Variants in DUSP13B observed in about 807,000 individuals in gnomAD.
The protein encoded by DUSP13B is dual specificity protein phosphatase 13B.
chr10:75,104,076 T>C, the DUSP13B span: 2 of 1,357,372 alleles, frequency 1.5e-6, no homozygotes, highest in Non-Finnish European at 2.0e-6. Context: ...CAGAGCCCCA[T>C]GGCAGGGAGT....
chr10:75,105,511 G>C, the DUSP13B span: 10 of 809,096 alleles, frequency 1.2e-5, no homozygotes, highest in Non-Finnish European at 1.7e-5. Context: ...GCAGTTTGGA[G>C]AGAGGGCCAG....
the DUSP13B span, among the ~76,000 whole-genome samples, chr10:75,107,663 G>A: frequency 1.3e-5 from 2 of 151,930 alleles, no homozygotes; most frequent in East Asian, 1.9e-4. Flanking sequence ...TGCAACCTCC[G>A]CCCCCCATGT....
chr10:75,101,923 G>A, the DUSP13B span: 2 of 1,367,772 alleles, frequency 1.5e-6, no homozygotes, highest in Non-Finnish European at 2.0e-6. Context: ...TCGTGCTGCT[G>A]GCTTTCAGCC....
chr10:75,094,555 C>T, the DUSP13B span: 1 of 1,132,794 alleles, frequency 8.8e-7, no homozygotes, highest in Non-Finnish European at 1.2e-6. Flanking sequence ...ATCCCTGCCT[C>T]TGCCTCAGCC....
the DUSP13B span, chr10:75,097,773 G>A: frequency 3.8e-5 from 62 of 1,613,660 alleles, no homozygotes; most frequent in Non-Finnish European, 4.2e-5. Context: ...GCAGCCTGAC[G>A]GACCCACAGC....
At chr10:75,101,495 T>C in the DUSP13B span, among the ~76,000 whole-genome samples, 676 of 152,316 alleles carry the variant, frequency 4.4e-3, 5 homozygotes, top group African/African-American at 0.015. Context: ...AATTGTTATA[T>C]TTAGCACTCA....
chr10:75,105,615 G>A, the DUSP13B span: 2 of 1,512,138 alleles, frequency 1.3e-6, no homozygotes, highest in African/African-American at 1.4e-5. Flanking sequence ...CCCTCACCTG[G>A]CCTCTTCCGG....
At chr10:75,106,651 G>A in the DUSP13B span, among the ~76,000 whole-genome samples, 1 of 152,174 alleles carries the variant, frequency 6.6e-6, no homozygotes, top group Non-Finnish European at 1.5e-5. Flanking sequence ...CCACTCTTAT[G>A]AGTAGCTCTC....
the DUSP13B span, chr10:75,108,107 G>A: frequency 2.5e-5 from 40 of 1,613,722 alleles, no homozygotes; most frequent in Middle Eastern, 1.7e-4. Context: ...CACTGCTGCC[G>A]TAGAAGTCAG....
chr10:75,101,868 T>C, the DUSP13B span: 18 of 1,364,950 alleles, frequency 1.3e-5, no homozygotes, highest in Non-Finnish European at 1.8e-5. Flanking sequence ...CTCACCCACC[T>C]GTGGGAGTAT....
the DUSP13B span, among the ~76,000 whole-genome samples, chr10:75,098,627 T>C: frequency 6.6e-6 from 1 of 152,120 alleles, no homozygotes; most frequent in African/African-American, 2.4e-5. Flanking sequence ...CCAGGTGTGG[T>C]GGTCCACTCC....
the DUSP13B span, chr10:75,098,929 T>G: frequency 8.3e-7 from 1 of 1,211,084 alleles, no homozygotes; most frequent in Non-Finnish European, 1.0e-6. Flanking sequence ...TTACCATCTT[T>G]GGGGCCTCCA....
chr10:75,108,994 C>A, the DUSP13B span: 1 of 1,589,284 alleles, frequency 6.3e-7, no homozygotes, highest in Non-Finnish European at 8.6e-7. Context: ...TGCCCCTTGG[C>A]CAGCTACCAC....
the DUSP13B span, among the ~76,000 whole-genome samples, chr10:75,105,006 C>T: frequency 5.3e-5 from 8 of 152,242 alleles, no homozygotes; most frequent in East Asian, 1.5e-3. Context: ...AATGGCAGCC[C>T]GTCTGTGGCA....
chr10:75,104,821 G>A, the DUSP13B span, among the ~76,000 whole-genome samples: 58 of 152,162 alleles, frequency 3.8e-4, no homozygotes, highest in African/African-American at 1.1e-3. Flanking sequence ...GGAAGGGGTC[G>A]ATGCTGCTGA....
the DUSP13B span, chr10:75,094,557 G>A: frequency 4.4e-6 from 5 of 1,148,360 alleles, no homozygotes; most frequent in Non-Finnish European, 6.1e-6. Flanking sequence ...CCCTGCCTCT[G>A]CCTCAGCCCC....
chr10:75,102,739 G>C, the DUSP13B span, among the ~76,000 whole-genome samples: 1 of 152,154 alleles, frequency 6.6e-6, no homozygotes, highest in East Asian at 1.9e-4. Context: ...GATCACCTGA[G>C]GTCGGGAGTT....
At chr10:75,099,325 C>T in the DUSP13B span, 6 of 1,232,208 alleles carry the variant, frequency 4.9e-6, no homozygotes, top group Middle Eastern at 3.1e-4. Flanking sequence ...CTTGGCCAGG[C>T]TCACCCAGTG....
the DUSP13B span, chr10:75,108,890 C>A: frequency 7.4e-7 from 1 of 1,348,688 alleles, no homozygotes; most frequent in Non-Finnish European, 9.8e-7. Context: ...GGTCCCTGGC[C>A]TGGGATGGTC....
Sources: gnomAD v4.1 joint callset for allele counts (sites outside exome capture counted in the v4.1 genomes callset) on GRCh38, gnomAD v4.1.1 for gene constraint, MANE v1.5 for transcripts, NCBI Gene and HGNC (gene_info 2026-07-23, HGNC 2026-07-21) for gene names.